SLC24A4: variants seen among roughly 807,000 people sequenced by gnomAD.
The protein encoded by SLC24A4 is sodium/potassium/calcium exchanger 4.
In SLC24A4, 53 loss-of-function variants were observed where a neutral mutation model predicts 79.0. That is an observed-to-expected ratio of 0.67 (90% confidence interval 0.54 to 0.84). SLC24A4 has a LOEUF of 0.84. Ranked by LOEUF, SLC24A4 falls within the 40% of genes least tolerant of loss-of-function variation. The pLI, the probability that SLC24A4 is intolerant of heterozygous loss-of-function variation, is 0.00. For missense variants in SLC24A4, 731 were observed against 822.0 expected (o/e 0.89, Z 1.35); for synonymous variants, 323 against 323.8 (o/e 1.00, Z 0.03).
At chr14:92,492,091 A>T (rs1373926623) in intron 15 of SLC24A4, 84 bp from the exon 16 acceptor site, 1 of 1,291,604 alleles carries the variant, frequency 7.7e-7, no homozygotes, top group Non-Finnish European at 1.1e-6. Flanking sequence ...GAGGGAATGC[A>T]TTGGGCCCAG....
rs960786156 is a variant in SLC24A4 at position 92,326,409 on chromosome 14, G to A, written c.241+431G>A. On this transcript the variant is annotated intron_variant, in intron 2 of 16. Transcript: ENST00000532405. ...CCCACCAGGGTCTCAGCATGACCGGGCAGCTGCAGGGGTGGGACACTCTGG... is the reference window on the plus strand; with the variant it reads ...CCCACCAGGGTCTCAGCATGACCGGACAGCTGCAGGGGTGGGACACTCTGG... Among the ~76,000 whole-genome samples the A allele has an allele frequency of 2.6e-5, 4 of 152,170 alleles. No homozygotes were observed. In the South Asian group the frequency reaches 6.2e-4, roughly 24 times the overall value.
intron 2 of SLC24A4, among the ~76,000 whole-genome samples, chr14:92,399,380 T>C (rs892906916): frequency 3.9e-5 from 6 of 152,192 alleles, no homozygotes; most frequent in Admixed American, 3.9e-4. Context: ...GATTTTTCTT[T>C]TTTTCCAGTA....
intron 12 of SLC24A4, among the ~76,000 whole-genome samples, chr14:92,472,941 A>G (rs1469593884): frequency 6.6e-6 from 1 of 150,972 alleles, no homozygotes; most frequent in Non-Finnish European, 1.5e-5. Flanking sequence ...CTGCATACTC[A>G]CCCTCCCTTG....
At chr14:92,331,229 G>T (rs931782413) in intron 2 of SLC24A4, among the ~76,000 whole-genome samples, 1 of 152,122 alleles carries the variant, frequency 6.6e-6, no homozygotes, top group Non-Finnish European at 1.5e-5. Context: ...TGAGTCCCTG[G>T]CTGTCATGGC....
chr14:92,339,762 G>T (rs1468949794), intron 2 of SLC24A4, among the ~76,000 whole-genome samples: 1 of 152,212 alleles, frequency 6.6e-6, no homozygotes, highest in Admixed American at 6.5e-5. Flanking sequence ...GCAATTCTGG[G>T]TTTTAGGAGG....
chr14:92,354,938 G>C (rs942094908), intron 2 of SLC24A4, among the ~76,000 whole-genome samples: 7 of 152,194 alleles, frequency 4.6e-5, no homozygotes, highest in African/African-American at 1.7e-4. Flanking sequence ...GCCACGGATG[G>C]TGGTGCACAT....
At chr14:92,473,471 G>C (rs189467671) in intron 12 of SLC24A4, among the ~76,000 whole-genome samples, 1 of 152,190 alleles carries the variant, frequency 6.6e-6, no homozygotes, top group Non-Finnish European at 1.5e-5. Context: ...GATACTCTTG[G>C]CTAGCATGGA....
intron 9 of SLC24A4, among the ~76,000 whole-genome samples, chr14:92,448,105 A>T (rs1892904994): frequency 1.3e-5 from 2 of 152,196 alleles, no homozygotes; most frequent in Admixed American, 1.3e-4. Context: ...TACATGAGGG[A>T]TCTAGAAGAG....
intron 12 of SLC24A4, chr14:92,457,382 C>A (rs1893542242): frequency 6.5e-6 from 1 of 152,946 alleles, no homozygotes. Flanking sequence ...TGCCCACTTC[C>A]TCACCTTCTT....
intron 12 of SLC24A4, among the ~76,000 whole-genome samples, chr14:92,479,140 G>T (rs930729375): frequency 1.3e-5 from 2 of 152,120 alleles, no homozygotes; most frequent in African/African-American, 4.8e-5. Context: ...TACAAATAGG[G>T]ATAGTTTTAC....
At chr14:92,351,076 A>C (rs770037389) in intron 2 of SLC24A4, among the ~76,000 whole-genome samples, 1 of 152,248 alleles carries the variant, frequency 6.6e-6, no homozygotes, top group Non-Finnish European at 1.5e-5. Flanking sequence ...GTGGAAAATA[A>C]ATTTCTGTTG....
At chr14:92,487,468 G>T (rs1233971574) in intron 14 of SLC24A4, among the ~76,000 whole-genome samples, 1 of 152,162 alleles carries the variant, frequency 6.6e-6, no homozygotes, top group Non-Finnish European at 1.5e-5. Context: ...TGCCCAAAGA[G>T]AGAGGTTGGC....
chr14:92,449,800 G>A (rs934338956), intron 10 of SLC24A4, among the ~76,000 whole-genome samples: 2 of 152,232 alleles, frequency 1.3e-5, no homozygotes, highest in Non-Finnish European at 2.9e-5. Context: ...CCTTCCCCTG[G>A]GGCAGCAGCC....
At chr14:92,327,789 G>A (rs372501501) in intron 2 of SLC24A4, among the ~76,000 whole-genome samples, 12 of 152,250 alleles carry the variant, frequency 7.9e-5, no homozygotes, top group South Asian at 6.2e-4. Context: ...CATATAAAGC[G>A]TCTGTTCTAT....
At chr14:92,394,191 A>G (rs537762960) in intron 2 of SLC24A4, among the ~76,000 whole-genome samples, 1 of 151,980 alleles carries the variant, frequency 6.6e-6, no homozygotes, top group African/African-American at 2.4e-5. Context: ...TTTTTCCCTC[A>G]TCTTTTATTC....
chr14:92,346,753 T>C (rs1216865954), intron 2 of SLC24A4, among the ~76,000 whole-genome samples: 1 of 152,216 alleles, frequency 6.6e-6, no homozygotes, highest in Non-Finnish European at 1.5e-5. Flanking sequence ...ATGCTGATAC[T>C]GAGGCTGTGA....
At chr14:92,413,991 T>C (rs1163893883) in intron 2 of SLC24A4, among the ~76,000 whole-genome samples, 1 of 152,022 alleles carries the variant, frequency 6.6e-6, no homozygotes, top group Non-Finnish European at 1.5e-5. Context: ...AGAGAGTTCT[T>C]TGAGAGAGGA....
intron 2 of SLC24A4, among the ~76,000 whole-genome samples, chr14:92,427,116 G>A (rs1371501436): frequency 1.3e-5 from 2 of 152,238 alleles, no homozygotes; most frequent in Non-Finnish European, 2.9e-5. Context: ...TGCCTGGTAA[G>A]ACTTGGTGTG....
chr14:92,374,413 G>A (rs913249111), intron 2 of SLC24A4, among the ~76,000 whole-genome samples: 1 of 152,210 alleles, frequency 6.6e-6, no homozygotes, highest in Non-Finnish European at 1.5e-5. Context: ...CTGGTCAATG[G>A]TATGCGAACA....
Sources: allele counts gnomAD v4.1 joint callset (sites outside exome capture counted in the v4.1 genomes callset), GRCh38; gene constraint gnomAD v4.1.1; transcripts MANE v1.5; gene names NCBI Gene and HGNC (gene_info 2026-07-23, HGNC 2026-07-21).